The following MECOM variants were observed in gnomAD, a reference collection of about 807,000 sequenced individuals.
MECOM encodes the protein histone-lysine N-methyltransferase MECOM.
A neutral mutation model predicts 116.3 loss-of-function variants in MECOM; 13 were observed. The ratio of observed to expected loss-of-function variants is 0.11; its 90% CI spans 0.07 to 0.18. The LOEUF is 0.18. Among genes scored for constraint, MECOM ranks in the 10% least tolerant of loss-of-function variants. MECOM has a pLI of 1.00. For synonymous variants in MECOM, 528 were observed against 535.2 expected (o/e 0.99, Z 0.19); for missense variants, 1,299 against 1,509.0 (o/e 0.86, Z 2.31).
At chr3:169,351,592 T>G (rs562770459) in intron 2 of MECOM, among the ~76,000 whole-genome samples, 1 of 152,084 alleles carries the variant, frequency 6.6e-6, no homozygotes, top group Non-Finnish European at 1.5e-5. Context: ...ATTACAAAGC[T>G]GATAACGGTC....
chr3:169,307,818 A>T (rs1056118876), intron 2 of MECOM, among the ~76,000 whole-genome samples: 1 of 152,182 alleles, frequency 6.6e-6, no homozygotes, highest in African/African-American at 2.4e-5. Context: ...CTGATGCTCC[A>T]TAGCAATTTG....
chr3:169,416,909 GA>G (rs1383794817), intron 1 of MECOM, among the ~76,000 whole-genome samples: 1 of 152,166 alleles, frequency 6.6e-6, no homozygotes, highest in African/African-American at 2.4e-5. Flanking sequence ...GCCATATGTA[GA>G]AAGCTGAAAC....
intron 2 of MECOM, among the ~76,000 whole-genome samples, chr3:169,274,254 A>C (rs1759321891): frequency 6.6e-6 from 1 of 152,112 alleles, no homozygotes; most frequent in Non-Finnish European, 1.5e-5. Flanking sequence ...TGCCAATTTA[A>C]AAGTCTGCCT....
chr3:169,414,748 A>G (rs1738230371), intron 1 of MECOM, among the ~76,000 whole-genome samples: 1 of 152,210 alleles, frequency 6.6e-6, no homozygotes, highest in Non-Finnish European at 1.5e-5. Context: ...ACATAGTATC[A>G]ATAGCCCAAT....
intron 1 of MECOM, among the ~76,000 whole-genome samples, chr3:169,528,366 A>C (rs1190277193): frequency 6.6e-6 from 1 of 152,190 alleles, no homozygotes; most frequent in Non-Finnish European, 1.5e-5. Flanking sequence ...AGAATGAGTA[A>C]ATCAAAGAGA....
At chr3:169,096,346 C>G (rs1420171228) in intron 12 of MECOM, among the ~76,000 whole-genome samples, 5 of 151,784 alleles carry the variant, frequency 3.3e-5, no homozygotes, top group Non-Finnish European at 7.4e-5. Flanking sequence ...TCTCGGCTCG[C>G]TGCAACCTCT....
intron 2 of MECOM, among the ~76,000 whole-genome samples, chr3:169,247,043 T>G (rs1755671368): frequency 6.6e-6 from 1 of 152,132 alleles, no homozygotes; most frequent in African/African-American, 2.4e-5. Flanking sequence ...TTTTTACATA[T>G]TAGTAAAATA....
intron 2 of MECOM, among the ~76,000 whole-genome samples, chr3:169,328,799 C>T (rs537249928): frequency 1.3e-4 from 20 of 152,200 alleles, no homozygotes; most frequent in Admixed American, 4.6e-4. Context: ...ACCTCCTGTT[C>T]GCTTATAAGA....
At chr3:169,401,583 G>A (rs1404851111) in intron 1 of MECOM, among the ~76,000 whole-genome samples, 1 of 152,112 alleles carries the variant, frequency 6.6e-6, no homozygotes, top group African/African-American at 2.4e-5. Flanking sequence ...AGTGGAGAGA[G>A]GGAATTAATT....
In MECOM at chr3:169,491,059, C is replaced by T. The variant is rs565230701; in HGVS notation, c.38-109535G>A. Among the ~76,000 whole-genome samples, 5 of 151,950 alleles carry T rather than the reference C, an allele frequency of 3.3e-5. No homozygotes were observed. The East Asian group carries it at 5.8e-4, about 18-fold the overall frequency. On this transcript the variant is annotated intron_variant, in intron 1 of 16. Transcript: ENST00000651503. The stretch of plus-strand genomic sequence containing the variant: ...TTTTTTGTGGAGACGGGTCTCCTTA[C>T]GTTGCCCAAACCAGTCTTAAACCCC...
At chr3:169,159,602 G>A (rs1473623571) in intron 2 of MECOM, among the ~76,000 whole-genome samples, 1 of 152,140 alleles carries the variant, frequency 6.6e-6, no homozygotes, top group East Asian at 1.9e-4. Flanking sequence ...CTTCTAAGAA[G>A]TTATTAGGGT....
At chr3:169,406,517 G>T (rs1484546219) in intron 1 of MECOM, among the ~76,000 whole-genome samples, 1 of 152,174 alleles carries the variant, frequency 6.6e-6, no homozygotes, top group East Asian at 1.9e-4. Context: ...GCGATTGAAG[G>T]CTGATGAAGA....
At chr3:169,460,945 G>A (rs1482233707) in intron 1 of MECOM, among the ~76,000 whole-genome samples, 1 of 152,180 alleles carries the variant, frequency 6.6e-6, no homozygotes, top group Non-Finnish European at 1.5e-5. Flanking sequence ...CAGTTGGCCA[G>A]GGCCTTTTTG....
At chr3:169,164,030 T>A (rs1305232753) in intron 2 of MECOM, among the ~76,000 whole-genome samples, 1 of 152,140 alleles carries the variant, frequency 6.6e-6, no homozygotes. Context: ...TTTGAACCAA[T>A]GTTTGGTTTG....
At chr3:169,105,067 C>T (rs1360507558) in intron 10 of MECOM, among the ~76,000 whole-genome samples, 1 of 152,050 alleles carries the variant, frequency 6.6e-6, no homozygotes, top group African/African-American at 2.4e-5. Flanking sequence ...GGGAAGCGAG[C>T]TGAGGGTAAC....
intron 1 of MECOM, among the ~76,000 whole-genome samples, chr3:169,472,517 GGA>G (rs1749517459): frequency 1.1e-4 from 10 of 90,846 alleles, no homozygotes; most frequent in Non-Finnish European, 1.7e-4. Context: ...GGAAAGGAAA[GGA>G]AAGAAAAGAA....
intron 1 of MECOM, among the ~76,000 whole-genome samples, chr3:169,555,578 G>GA (rs1331813777): frequency 6.6e-6 from 1 of 152,000 alleles, no homozygotes; most frequent in Non-Finnish European, 1.5e-5. Context: ...AACCATGAAG[G>GA]AAAAAATCAA....
chr3:169,351,792 A>G (rs1726387233), intron 2 of MECOM, among the ~76,000 whole-genome samples: 1 of 151,848 alleles, frequency 6.6e-6, no homozygotes, highest in African/African-American at 2.4e-5. Flanking sequence ...CTGACCTTTC[A>G]AGCTCAACTC....
At chr3:169,217,984 G>A (rs1270244221) in intron 2 of MECOM, among the ~76,000 whole-genome samples, 1 of 151,542 alleles carries the variant, frequency 6.6e-6, no homozygotes, top group Non-Finnish European at 1.5e-5. Flanking sequence ...TAAATTATCA[G>A]TGACTCTAAT....
Sources: allele counts gnomAD v4.1 joint callset (sites outside exome capture counted in the v4.1 genomes callset), GRCh38; gene constraint gnomAD v4.1.1; transcripts MANE v1.5; gene names NCBI Gene and HGNC (gene_info 2026-07-23, HGNC 2026-07-21).